The following FAM135B variants were observed in gnomAD, a reference collection of about 807,000 sequenced individuals.
The protein encoded by FAM135B is protein FAM135B.
In FAM135B, 43 loss-of-function variants were observed where a neutral mutation model predicts 127.7. The observed-to-expected ratio is 0.34, with a 90% confidence interval of 0.26 to 0.43. The LOEUF (loss-of-function observed/expected upper bound fraction) is 0.43, where lower values mean the gene tolerates loss of function less well. Ranked by LOEUF, FAM135B falls within the 20% of genes least tolerant of loss-of-function variation. The probability of loss-of-function intolerance (pLI) is 1.00; values close to 1 mark genes in which losing one functional copy is unlikely to be tolerated. For missense variants in FAM135B, 1,558 were observed against 1,725.6 expected (o/e 0.90, Z 1.72); for synonymous variants, 670 against 665.1 (o/e 1.01, Z -0.11).
chr8:138,195,120 AT>A, intron 9 of FAM135B, 137 bp downstream of exon 9: 2 of 729,906 alleles, frequency 2.7e-6, no homozygotes, highest in Non-Finnish European at 2.3e-6. Context: ...ATGTAAGAAT[AT>A]TTCTCCAGCT....
At chr8:138,184,162 T>C (rs1361071147) in intron 9 of FAM135B, among the ~76,000 whole-genome samples, 1 of 152,134 alleles carries the variant, frequency 6.6e-6, no homozygotes, top group African/African-American at 2.4e-5. Flanking sequence ...CAAGGTGAGA[T>C]GGGATAGCCC....
At chr8:138,332,373 A>G (rs537876008) in intron 2 of FAM135B, among the ~76,000 whole-genome samples, 3 of 152,290 alleles carry the variant, frequency 2.0e-5, no homozygotes, top group Non-Finnish European at 4.4e-5. Flanking sequence ...GTTTGCTACA[A>G]TACTGCAATT....
intron 7 of FAM135B, among the ~76,000 whole-genome samples, chr8:138,202,709 CAG>C (rs1477307996): frequency 6.6e-6 from 1 of 152,182 alleles, no homozygotes; most frequent in African/African-American, 2.4e-5. Context: ...CAGCAAAATG[CAG>C]ACTTATGTAA....
At chr8:138,397,837 C>T (rs1832931485) in intron 1 of FAM135B, among the ~76,000 whole-genome samples, 1 of 152,126 alleles carries the variant, frequency 6.6e-6, no homozygotes, top group African/African-American at 2.4e-5. Flanking sequence ...CAAGGTGTCG[C>T]CATCCCTTCC....
chr8:138,168,406 A>T (rs915289835), intron 11 of FAM135B, among the ~76,000 whole-genome samples: 1 of 152,328 alleles, frequency 6.6e-6, no homozygotes, highest in African/African-American at 2.4e-5. Context: ...TTTTGAAAAA[A>T]ATGTAAATGT....
At chr8:138,263,348 C>G (rs1301420173) in intron 4 of FAM135B, among the ~76,000 whole-genome samples, 1 of 152,036 alleles carries the variant, frequency 6.6e-6, no homozygotes. Context: ...GGGGAGTGAA[C>G]AGTCTGGACC....
intron 1 of FAM135B, among the ~76,000 whole-genome samples, chr8:138,429,140 G>C (rs1166158092): frequency 6.6e-6 from 1 of 152,170 alleles, no homozygotes; most frequent in Non-Finnish European, 1.5e-5. Flanking sequence ...ATTGGATCTA[G>C]TTGATGAGGT....
intron 1 of FAM135B, among the ~76,000 whole-genome samples, chr8:138,487,595 C>A (rs1394097093): frequency 7.0e-6 from 1 of 143,284 alleles, no homozygotes; most frequent in Non-Finnish European, 1.5e-5. Flanking sequence ...CTGTCCACTG[C>A]ATTCCTCAAA....
intron 1 of FAM135B, among the ~76,000 whole-genome samples, chr8:138,428,287 A>T (rs1442962817): frequency 1.3e-5 from 2 of 152,180 alleles, no homozygotes; most frequent in Non-Finnish European, 2.9e-5. Flanking sequence ...ATTAGGGCCT[A>T]CAGAACTTGG....
At chr8:138,390,446 C>T (rs1311668541) in intron 1 of FAM135B, among the ~76,000 whole-genome samples, 1 of 151,976 alleles carries the variant, frequency 6.6e-6, no homozygotes, top group African/African-American at 2.4e-5. Flanking sequence ...TGTGAGGCCT[C>T]CCCACCCACA....
chr8:138,247,490 G>C (rs13271887), intron 6 of FAM135B, among the ~76,000 whole-genome samples: 92,689 of 151,702 alleles, frequency 0.61, 28,730 homozygotes, highest in Non-Finnish European at 0.67. Context: ...ATGTGAAGAA[G>C]GATGTGTTTA....
chr8:138,143,200 G>T, intron 15 of FAM135B, 91 bp from the exon 16 acceptor site: 2 of 717,296 alleles, frequency 2.8e-6, no homozygotes, highest in Admixed American at 4.0e-5. Context: ...AAACACTGTG[G>T]CGCCTACTGG....
chr8:138,350,292 T>C (rs1278742063), intron 2 of FAM135B, among the ~76,000 whole-genome samples: 1 of 152,294 alleles, frequency 6.6e-6, no homozygotes, highest in Non-Finnish European at 1.5e-5. Flanking sequence ...TAAGTCAACA[T>C]TCCCATGCCG....
At chr8:138,300,744 C>CTTTTTTTTTTTTTTTTTT (rs34292545) in intron 3 of FAM135B, among the ~76,000 whole-genome samples, 1 of 100,492 alleles carries the variant, frequency 1.0e-5, no homozygotes, top group Admixed American at 1.1e-4. Context: ...ATTTTATCCA[C>CTTTTTTTTTTTTTTTTTT]TTTTTTTTTT....
chr8:138,155,476 C>G (rs1478849427), intron 12 of FAM135B, among the ~76,000 whole-genome samples: 1 of 152,110 alleles, frequency 6.6e-6, no homozygotes, highest in South Asian at 2.1e-4. Context: ...GGGCTAAATG[C>G]TCCAATTAAA....
intron 12 of FAM135B, among the ~76,000 whole-genome samples, chr8:138,157,342 A>C (rs1430303458): frequency 6.6e-6 from 1 of 152,218 alleles, no homozygotes; most frequent in Non-Finnish European, 1.5e-5. Flanking sequence ...CCACTATCAT[A>C]CTGAATGGGC....
At chr8:138,218,964 T>C (rs941205468) in intron 7 of FAM135B, among the ~76,000 whole-genome samples, 6 of 152,124 alleles carry the variant, frequency 3.9e-5, no homozygotes, top group Non-Finnish European at 8.8e-5. Flanking sequence ...ATTCCAACAA[T>C]AAAATTAGGT....
At chr8:138,339,013 A>C (rs1012166870) in intron 2 of FAM135B, among the ~76,000 whole-genome samples, 3 of 151,646 alleles carry the variant, frequency 2.0e-5, no homozygotes, top group Non-Finnish European at 4.4e-5. Flanking sequence ...CGCAAGGACA[A>C]AAAACCAAAC....
At chr8:138,444,360 A>T (rs1187925458) in intron 1 of FAM135B, among the ~76,000 whole-genome samples, 2 of 152,184 alleles carry the variant, frequency 1.3e-5, no homozygotes, top group Non-Finnish European at 2.9e-5. Context: ...TCTTCTCAGC[A>T]CCACACCACA....
Sources: gnomAD v4.1 joint callset for allele counts (sites outside exome capture counted in the v4.1 genomes callset) on GRCh38, gnomAD v4.1.1 for gene constraint, MANE v1.5 for transcripts, NCBI Gene and HGNC (gene_info 2026-07-23, HGNC 2026-07-21) for gene names.